The following DPYS variants were observed in gnomAD, a reference collection of about 807,000 sequenced individuals.
DPYS encodes the protein dihydropyrimidine amidohydrolase.
Under a neutral mutation model 50.3 loss-of-function variants are expected in DPYS, and 39 were observed. The observed-to-expected ratio is 0.78, with a 90% CI of 0.60 to 1.01. DPYS has a LOEUF of 1.01. DPYS is among the 50% of genes least tolerant of loss of function. The pLI is 0.00. For missense variants in DPYS, 659 were observed against 680.9 expected (o/e 0.97, Z 0.36); for synonymous variants, 245 against 250.7 (o/e 0.98, Z 0.22).
At chr8:104,447,595 C>T in intron 2 of DPYS, 92 bp from the exon 3 acceptor site, 1 of 1,446,664 alleles carries the variant, frequency 6.9e-7, no homozygotes, top group Middle Eastern at 2.1e-4. Context: ...CGGAAGAGAA[C>T]TAAGTAAAAT....
At chr8:104,447,186 C>T in intron 3 of DPYS, 138 bp downstream of exon 3, 1 of 1,141,448 alleles carries the variant, frequency 8.8e-7, no homozygotes, top group Non-Finnish European at 1.3e-6. Flanking sequence ...AAATCCGTTT[C>T]CGAGCCACGG....
At chr8:104,460,042 A>AT (rs1281457221) in intron 1 of DPYS, among the ~76,000 whole-genome samples, 3 of 152,124 alleles carry the variant, frequency 2.0e-5, no homozygotes, top group Non-Finnish European at 2.9e-5. Flanking sequence ...ATGTATGTGA[A>AT]TTTTTTTAAT....
intron 3 of DPYS, among the ~76,000 whole-genome samples, chr8:104,446,208 A>G (rs2140713935): frequency 6.6e-6 from 1 of 152,316 alleles, no homozygotes; most frequent in East Asian, 1.9e-4. Flanking sequence ...GTATCAAAAT[A>G]TCTCATGCAC....
chr8:104,455,910 T>C (rs1489386491), intron 1 of DPYS, among the ~76,000 whole-genome samples: 1 of 152,130 alleles, frequency 6.6e-6, no homozygotes, highest in African/African-American at 2.4e-5. Context: ...ATATGAAAAA[T>C]AAATATTTTA....
rs1477023296 is a variant in DPYS at position 104,392,861 on chromosome 8, T to A, written c.1366A>T (p.Thr456Ser). The change falls in exon 8 of 10, where the codon ACG (threonine) becomes TCG (serine). Residue 456 changes from threonine to serine, a missense_variant. Thr to Ser is a moderately conservative substitution (Grantham distance 58). Transcript: ENST00000351513. The part of the protein sequence containing the change: ...VVYEAGVFSV[T>S]AGDGKFIPRK... Reference sequence around the variant, plus strand: ...GGAATAAACTTCCCATCTCCTGCCGTGACACTGAACACTCCGGCTTCATAT... The same window carrying A: ...GGAATAAACTTCCCATCTCCTGCCGAGACACTGAACACTCCGGCTTCATAT... 1 of 1,614,184 alleles carries A rather than the reference T, an allele frequency of 6.2e-7. No individual in the cohort carries two copies. Among genetic ancestry groups the A allele is most frequent in the Non-Finnish European group, 8.5e-7 (1 of 1,180,034 alleles).
At chr8:104,451,196 G>A (rs1174493587) in intron 2 of DPYS, 50 bp downstream of exon 2, 6 of 1,608,968 alleles carry the variant, frequency 3.7e-6, no homozygotes, top group Non-Finnish European at 5.1e-6. Context: ...CTCTTGTGCA[G>A]AGTGAGGACA....
At chr8:104,462,567 G>C (rs1029831147) in intron 1 of DPYS, among the ~76,000 whole-genome samples, 5 of 152,098 alleles carry the variant, frequency 3.3e-5, no homozygotes, top group Non-Finnish European at 7.3e-5. Flanking sequence ...GTGTTGCATG[G>C]TTTCCCAATT....
intron 7 of DPYS, among the ~76,000 whole-genome samples, chr8:104,393,399 T>C (rs1354434348): frequency 2.6e-5 from 4 of 152,240 alleles, no homozygotes; most frequent in Non-Finnish European, 2.9e-5. Flanking sequence ...TAACTTTTTA[T>C]AGATACAATG....
At position 104,414,950 on chromosome 8, in the gene DPYS, G is replaced by A. The variant is rs1812316902; in HGVS notation, c.1235+9297C>T. ...CTGGAATGCATCTTTGTCAAGCACT[G>A]CTTTGGGGAAGAAGACAGAAGTGCT... is the stretch of plus-strand genomic sequence containing the variant. On this transcript the variant is annotated intron_variant, in intron 7 of 9. Coordinates refer to ENST00000351513, the MANE Select transcript of DPYS (RefSeq NM_001385.3). 4.6e-5 allele frequency among the ~76,000 whole-genome samples: 7 copies of A among 152,214 alleles called. No homozygotes were observed. The South Asian group carries it at 1.4e-3, about 32-fold the overall frequency.
At chr8:104,399,870 A>AAAAG (rs1811732510) in intron 7 of DPYS, among the ~76,000 whole-genome samples, 1 of 149,812 alleles carries the variant, frequency 6.7e-6, no homozygotes, top group Non-Finnish European at 1.5e-5. Flanking sequence ...CCGTCTCAAA[A>AAAAG]AAAAAAAAAA....
At chr8:104,431,612 A>G (rs1221083271) in intron 4 of DPYS, among the ~76,000 whole-genome samples, 1 of 152,174 alleles carries the variant, frequency 6.6e-6, no homozygotes, top group Admixed American at 6.6e-5. Flanking sequence ...ATCAAACTGG[A>G]TAATTCAGCA....
intron 5 of DPYS, 40 bp from the exon 6 acceptor site, chr8:104,428,161 C>A (rs1274263181): frequency 7.4e-6 from 12 of 1,613,330 alleles, no homozygotes; most frequent in Non-Finnish European, 1.0e-5. Context: ...GGTGAGTATA[C>A]AGAATATGTT....
intron 1 of DPYS, among the ~76,000 whole-genome samples, chr8:104,456,803 T>G (rs1019975676): frequency 1.3e-5 from 2 of 152,216 alleles, no homozygotes; most frequent in Non-Finnish European, 2.9e-5. Flanking sequence ...ACCTTCCAGT[T>G]TATCTAAAAA....
intron 7 of DPYS, chr8:104,421,033 A>G (rs1381712435): frequency 3.3e-5 from 5 of 152,224 alleles, no homozygotes; most frequent in African/African-American, 4.8e-5. Context: ...CATTTTACAT[A>G]TGAAAGAGTG....
chr8:104,449,284 G>A (rs1263904971), intron 2 of DPYS, among the ~76,000 whole-genome samples: 1 of 152,184 alleles, frequency 6.6e-6, no homozygotes, highest in Non-Finnish European at 1.5e-5. Flanking sequence ...TTCCAAAGGG[G>A]ATTATGATCT....
rs555180068 is a variant in DPYS at position 104,406,120 on chromosome 8, C to G, written c.1236-13129G>C. On this transcript the variant is annotated intron_variant, in intron 7 of 9. Coordinates refer to ENST00000351513, the MANE Select transcript of DPYS (RefSeq NM_001385.3). ...ACCTGGGCAGTCAGGCTCCAGAGACCAAGTATGAACCCCTGTGCTGTAAAT... is the reference window on the plus strand; with the variant it reads ...ACCTGGGCAGTCAGGCTCCAGAGACGAAGTATGAACCCCTGTGCTGTAAAT... 4.6e-5 allele frequency among the ~76,000 whole-genome samples: 7 copies of G among 152,280 alleles called. No homozygotes were observed. In the East Asian group the frequency reaches 1.2e-3, roughly 25 times the overall value.
Position 104,381,306 on chromosome 8 carries a change from T to C in DPYS, c.1452A>G (p.Thr484=). Reference sequence around the variant, plus strand: ...AGGGTGCACGCTCCACAGGGGTAGGTGTGCAAGTCTGAAAGAGAACATTTC... The same window carrying C: ...AGGGTGCACGCTCCACAGGGGTAGGCGTGCAAGTCTGAAAGAGAACATTTC... ...KRIKQRDRTC[T]PTPVERAPYK... The change falls in exon 9 of 10, where the codon ACA becomes ACG. Residue 484 remains threonine, a synonymous_variant. Coordinates refer to ENST00000351513, the MANE Select transcript of DPYS (RefSeq NM_001385.3). 2 of 1,613,958 alleles carry C rather than the reference T, an allele frequency of 1.2e-6. No homozygotes were observed. Among genetic ancestry groups the C allele is most frequent in the Non-Finnish European group, 1.7e-6 (2 of 1,179,822 alleles).
chr8:104,454,641 T>C (rs1813863290), intron 1 of DPYS, among the ~76,000 whole-genome samples: 1 of 152,124 alleles, frequency 6.6e-6, no homozygotes, highest in Non-Finnish European at 1.5e-5. Flanking sequence ...AGCAGAAATA[T>C]GAATAAATAA....
At chr8:104,437,788 T>C (rs1163655411) in intron 4 of DPYS, among the ~76,000 whole-genome samples, 2 of 152,168 alleles carry the variant, frequency 1.3e-5, no homozygotes, top group Admixed American at 6.5e-5. Context: ...GAACCCTCTA[T>C]TGGGGTCTGG....
Sources: gnomAD v4.1 joint callset for allele counts (sites outside exome capture counted in the v4.1 genomes callset) on GRCh38, gnomAD v4.1.1 for gene constraint, MANE v1.5 for transcripts, NCBI Gene and HGNC (gene_info 2026-07-23, HGNC 2026-07-21) for gene names.